RNF123: variants seen among roughly 807,000 people sequenced by gnomAD.
The protein encoded by RNF123 is E3 ubiquitin-protein ligase RNF123.
In RNF123, 86 loss-of-function variants were observed where a neutral mutation model predicts 168.5. The ratio of observed to expected loss-of-function variants is 0.51; its 90% CI spans 0.43 to 0.61. RNF123 has a LOEUF of 0.61. Among genes scored for constraint, RNF123 ranks in the 20% least tolerant of loss-of-function variants. The pLI is 0.00. For synonymous variants in RNF123, 666 were observed against 689.1 expected (o/e 0.97, Z 0.52); for missense variants, 1,419 against 1,729.7 (o/e 0.82, Z 3.19).
intron 22 of RNF123, 40 bp from the exon 23 acceptor site, chr3:49,704,944 C>A: frequency 6.4e-7 from 1 of 1,557,346 alleles, no homozygotes; most frequent in Non-Finnish European, 8.7e-7. Flanking sequence ...CAAGGGAACC[C>A]TGAGCCAGCC....
At chr3:49,718,594 A>G (rs748525963) in intron 35 of RNF123, 9 of 1,612,920 alleles carry the variant, frequency 5.6e-6, no homozygotes, top group African/African-American at 4.0e-5. Context: ...CCGACCCACC[A>G]GCGCGTACAG....
chr3:49,720,375 T>C, intron 35 of RNF123, 136 bp from the exon 36 acceptor site: 1 of 873,658 alleles, frequency 1.1e-6, no homozygotes, highest in Non-Finnish European at 1.6e-6. Context: ...ACTTGGGGTT[T>C]GGGAAGCAGG....
At chr3:49,715,304 G>A (rs1194266293) in intron 31 of RNF123, among the ~76,000 whole-genome samples, 1 of 152,254 alleles carries the variant, frequency 6.6e-6, no homozygotes, top group Non-Finnish European at 1.5e-5. Context: ...GGCTGTGGCT[G>A]TGTGGCTGCT....
In RNF123 at chr3:49,713,495, C is replaced by G. The variant is rs1349490741; in HGVS notation, c.2675-18C>G. On this transcript the variant is annotated intron_variant, in intron 27 of 38. Transcript: ENST00000327697. ...GCCCCCACTCCCAGCCGACACGTCTCACTTCCCACCCTTGCAGGCTATGAA... is the reference window on the plus strand; with the variant it reads ...GCCCCCACTCCCAGCCGACACGTCTGACTTCCCACCCTTGCAGGCTATGAA... 1 of 1,598,086 alleles carries G rather than the reference C, an allele frequency of 6.3e-7. No homozygotes were observed. Among genetic ancestry groups the G allele is most frequent in the Non-Finnish European group, 8.5e-7 (1 of 1,172,122 alleles).
intron 35 of RNF123, chr3:49,716,911 C>T (rs932536131): frequency 1.2e-5 from 2 of 163,396 alleles, no homozygotes; most frequent in Admixed American, 5.7e-5. Flanking sequence ...CCATGGGGGC[C>T]CCCAGCTCGG....
In RNF123 at chr3:49,691,067, A is replaced by G. The variant is rs977993316; in HGVS notation, c.-36-63A>G. On this transcript the variant is annotated intron_variant, in intron 1 of 38. Coordinates refer to ENST00000327697, the MANE Select transcript of RNF123 (RefSeq NM_022064.5). Reference sequence around the variant, plus strand: ...TCCCAAGCCTTCCTGCCATGGCAGGACTGAGGTCAGGTGTGGGGGCCCCTG... The same window carrying G: ...TCCCAAGCCTTCCTGCCATGGCAGGGCTGAGGTCAGGTGTGGGGGCCCCTG... The G allele has an allele frequency of 9.4e-6, 9 of 960,018 alleles. No homozygotes were observed. In the Admixed American group the frequency reaches 1.0e-4, roughly 11 times the overall value. The allele number at this position is 960,018 out of a possible 1,614,324, so 59.5% of individuals were successfully genotyped here.
chr3:49,716,550 TGG>T, intron 35 of RNF123, 73 bp downstream of exon 35: 1 of 1,274,758 alleles, frequency 7.8e-7, no homozygotes, highest in Non-Finnish European at 1.1e-6. Context: ...CAGGGCCTCC[TGG>T]TACTTCAGTT....
At position 49,712,571 on chromosome 3, in the gene RNF123, C is replaced by A; in HGVS notation, c.2589C>A (p.Pro863=). Residue 863 remains proline, a synonymous_variant, in exon 27 of 39, where the codon CCC becomes CCA. Coordinates refer to ENST00000327697, the MANE Select transcript of RNF123 (RefSeq NM_022064.5). The part of the protein sequence containing the change: ...DRTGSLFAFM[P]EFYLSVAINS... The stretch of plus-strand genomic sequence containing the variant: ...CAGGGTCTCTCTTTGCCTTCATGCC[C>A]GAGTTCTACCTGAGCGTGGCCATCA... The A allele has an allele frequency of 6.2e-7, 1 of 1,614,200 alleles. No individual in the cohort carries two copies. The highest frequency in any genetic ancestry group is 1.3e-5 in the African/African-American group (1 of 75,058).
At chr3:49,719,490 A>G (rs1209719288) in intron 35 of RNF123, 3 of 1,580,106 alleles carry the variant, frequency 1.9e-6, no homozygotes, top group Non-Finnish European at 2.6e-6. Flanking sequence ...GGGACAGTAC[A>G]GAGCAGCTCT....
intron 26 of RNF123, among the ~76,000 whole-genome samples, chr3:49,711,030 C>T (rs1319625487): frequency 6.6e-6 from 1 of 152,126 alleles, no homozygotes; most frequent in African/African-American, 2.4e-5. Context: ...GCCAAGAGTT[C>T]ATGACCAGCC....
Position 49,700,397 on chromosome 3 carries a change from A to T in RNF123, c.1110+45A>T, listed in dbSNP as rs777676099. 4 of 1,612,916 alleles carry T rather than the reference A, an allele frequency of 2.5e-6. No homozygotes were observed. The East Asian group carries it at 8.9e-5, about 36-fold the overall frequency. On this transcript the variant is annotated intron_variant, in intron 13 of 38. Coordinates refer to ENST00000327697, the MANE Select transcript of RNF123 (RefSeq NM_022064.5). Reference sequence around the variant, plus strand: ...GCCTCAGGCCTGGCTGTCAGTCTTCACTGGGGTCGGGAAGATACGGGGAGA... The same window carrying T: ...GCCTCAGGCCTGGCTGTCAGTCTTCTCTGGGGTCGGGAAGATACGGGGAGA...
rs1212761475 is a variant in RNF123 at position 49,705,062 on chromosome 3, C to G, written c.2038C>G (p.Arg680Gly). Residue 680 changes from arginine to glycine, a missense_variant, in exon 23 of 39, where the codon CGA (arginine) becomes GGA (glycine). Coordinates refer to ENST00000327697, the MANE Select transcript of RNF123 (RefSeq NM_022064.5). ...PGWLSSPTLGRANRFLSTAAV... is the reference protein window; with the variant it reads ...PGWLSSPTLGGANRFLSTAAV... ...CTGGCTCAGTTCTCCAACTTTGGGC[C>G]GAGCCAACCGCTTCCTCAGCACAGC... is the stretch of plus-strand genomic sequence containing the variant. 1 of 1,611,544 alleles carries G rather than the reference C, an allele frequency of 6.2e-7. No individual in the cohort carries two copies. The highest frequency in any genetic ancestry group is 1.7e-5 in the Admixed American group (1 of 59,748).
chr3:49,691,642 C>G (rs1428076293), intron 3 of RNF123, 133 bp downstream of exon 3: 2 of 827,272 alleles, frequency 2.4e-6, no homozygotes, highest in Non-Finnish European at 2.0e-6. Flanking sequence ...CTCCTGGCTG[C>G]GAGATCTCTG....
At chr3:49,716,271 C>T in intron 34 of RNF123, 94 bp downstream of exon 34, 1 of 1,554,256 alleles carries the variant, frequency 6.4e-7, no homozygotes, top group South Asian at 1.1e-5. Flanking sequence ...TGCCCCCGGA[C>T]AGCCAGACTT....
Position 49,691,474 on chromosome 3 carries a change from C to T in RNF123, c.132C>T (p.Ser44=). The T allele has an allele frequency of 6.2e-7, 1 of 1,614,186 alleles. No individual in the cohort carries two copies. Among genetic ancestry groups the T allele is most frequent in the Middle Eastern group, 1.6e-4 (1 of 6,062 alleles). ...LLNDYLNRIF[S]SSEHAPPAAT... is the part of the protein sequence containing the mutation. ...ATGACTACCTGAACCGCATCTTTTC[C>T]TCTTCTGAACATGCACCCCCAGCAG... The change falls in exon 3 of 39, where the codon TCC becomes TCT. Residue 44 remains serine (S), a synonymous_variant. Coordinates refer to ENST00000327697, the MANE Select transcript of RNF123 (RefSeq NM_022064.5).
chr3:49,716,668 G>T (rs1355591219), intron 35 of RNF123, among the ~76,000 whole-genome samples, 191 bp downstream of exon 35: 1 of 152,186 alleles, frequency 6.6e-6, no homozygotes, highest in Non-Finnish European at 1.5e-5. Flanking sequence ...CTAAGTAGGA[G>T]AATCTGGGAC....
intron 35 of RNF123, chr3:49,717,849 G>A (rs893313503): frequency 3.1e-6 from 4 of 1,294,532 alleles, no homozygotes; most frequent in Admixed American, 2.2e-5. Context: ...GGGGGGCCAG[G>A]CACAGTGCTT....
intron 19 of RNF123, 51 bp from the exon 20 acceptor site, chr3:49,702,582 G>A (rs1432153162): frequency 6.2e-7 from 1 of 1,613,850 alleles, no homozygotes; most frequent in East Asian, 2.2e-5. Flanking sequence ...ATGAGGAATG[G>A]GCAAGGCACT....
At chr3:49,697,277 G>A (rs937739193) in intron 4 of RNF123, 55 bp downstream of exon 4, 21 of 1,596,592 alleles carry the variant, frequency 1.3e-5, no homozygotes, top group Non-Finnish European at 1.7e-5. Flanking sequence ...GACGTAGCGG[G>A]CCTGGAGACG....
Sources: gnomAD v4.1 joint callset for allele counts (sites outside exome capture counted in the v4.1 genomes callset) on GRCh38, gnomAD v4.1.1 for gene constraint, MANE v1.5 for transcripts, NCBI Gene and HGNC (gene_info 2026-07-23, HGNC 2026-07-21) for gene names.